Variants in POMK observed in about 807,000 individuals in gnomAD.
The protein encoded by POMK is protein O-mannose kinase, also known as Sugen kinase 196.
Under a neutral mutation model 23.0 loss-of-function variants are expected in POMK, and 19 were observed. The ratio of observed to expected loss-of-function variants is 0.83; its 90% CI spans 0.58 to 1.21. The LOEUF (loss-of-function observed/expected upper bound fraction) is 1.21, where lower values mean the gene tolerates loss of function less well. Among genes scored for constraint, POMK ranks in the 50% most tolerant of loss-of-function variants. POMK has a pLI of 0.00. For missense variants in POMK, 410 were observed against 431.3 expected, an observed-to-expected ratio of 0.95 and a Z score of 0.44; for synonymous variants, 173 against 171.6, an observed-to-expected ratio of 1.01 and a Z score of -0.06.
At chr8:43,110,290 C>T (rs1416555220) in intron 4 of POMK, among the ~76,000 whole-genome samples, 2 of 152,148 alleles carry the variant, frequency 1.3e-5, no homozygotes, top group African/African-American at 2.4e-5. Context: ...CAATTACGTA[C>T]CAGGAGTGGA....
In POMK at chr8:43,122,916, A is replaced by G; in HGVS notation, c.*39A>G. On this transcript the variant is annotated 3_prime_UTR_variant, in exon 5 of 5. Transcript: ENST00000331373. ...CAATGAAGGTGGGATTGAAGGGCTG[A>G]ATGGAAGTTACAGCATTCTACTCTG... 6.5e-7 allele frequency: 1 copy of G among 1,538,420 alleles called. No individual in the cohort carries two copies. The highest frequency in any genetic ancestry group is 8.8e-7 in the Non-Finnish European group (1 of 1,142,632).
chr8:43,101,150 C>T (rs1395473794), intron 2 of POMK, among the ~76,000 whole-genome samples: 1 of 151,994 alleles, frequency 6.6e-6, no homozygotes, highest in Middle Eastern at 3.2e-3. Context: ...AGGCCAGGTG[C>T]AGTGGCTCAT....
rs139850997 is a variant in POMK at position 43,114,807 on chromosome 8, G to T, written c.283-7300G>T. On this transcript the variant is annotated intron_variant, in intron 4 of 4. Coordinates refer to ENST00000331373, the MANE Select transcript of POMK (RefSeq NM_032237.5). ...CAAGATTACATTAAAAGAACCAGTT[G>T]TGCACTCTCCCAGTCATCTCAAGGA... 4.8e-3 allele frequency among the ~76,000 whole-genome samples: 726 copies of T among 152,286 alleles called. 4 individuals carry two copies. The highest frequency in any genetic ancestry group is 0.011 in the South Asian group (52 of 4,828).
At chr8:43,100,407 T>G (rs1005599816) in intron 2 of POMK, among the ~76,000 whole-genome samples, 1 of 151,452 alleles carries the variant, frequency 6.6e-6, no homozygotes, top group Admixed American at 6.6e-5. Context: ...AGAGGCCCAG[T>G]GTGTGTGCTA....
rs545291637 is a variant in POMK at position 43,115,967 on chromosome 8, G to A, written c.283-6140G>A. ...GCCCTTGCTGTTTTCTGTCTGGGCT[G>A]TAGTTCCACAAATAACAAGTGGTTC... On this transcript the variant is annotated intron_variant, in intron 4 of 4. Transcript: ENST00000331373. Among the ~76,000 whole-genome samples the A allele has an allele frequency of 6.6e-5, 10 of 152,328 alleles. No homozygotes were observed. In the South Asian group the frequency reaches 8.3e-4, roughly 13 times the overall value.
At chr8:43,116,221 T>G (rs1048590271) in intron 4 of POMK, among the ~76,000 whole-genome samples, 2 of 152,254 alleles carry the variant, frequency 1.3e-5, no homozygotes, top group African/African-American at 4.8e-5. Context: ...TGAAGACACA[T>G]TTGACTACAT....
At chr8:43,110,186 T>A (rs1438435756) in intron 4 of POMK, among the ~76,000 whole-genome samples, 1 of 152,244 alleles carries the variant, frequency 6.6e-6, no homozygotes, top group Non-Finnish European at 1.5e-5. Flanking sequence ...ATGCCTCGTG[T>A]ATAGAACTGT....
rs1167082310 is a variant in POMK at position 43,103,636 on chromosome 8, A to G, written c.88A>G (p.Met30Val). The G allele has an allele frequency of 8.7e-6, 14 of 1,613,536 alleles. No homozygotes were observed. Among genetic ancestry groups the G allele is most frequent in the Non-Finnish European group, 1.1e-5 (13 of 1,179,994 alleles). ...TGGGCTGCTGCTGATCATGGCCCTG[A>G]TGAATACTCTGCTCTACCTCTGCCT... ...AVGLLLIMAL[M>V]NTLLYLCLDH... is the part of the protein sequence containing the mutation. Residue 30 changes from methionine to valine, a missense_variant, in exon 4 of 5, where the codon ATG becomes GTG. Physicochemically the swap from Met to Val is conservative, Grantham distance 21. Coordinates refer to ENST00000331373, the MANE Select transcript of POMK (RefSeq NM_032237.5).
Position 43,123,110 on chromosome 8 carries a change from G to A in POMK, c.*233G>A, listed in dbSNP as rs1586681573. 8.6e-5 allele frequency: 39 copies of A among 455,276 alleles called. No individual in the cohort carries two copies. The East Asian group carries it at 1.5e-3, about 17-fold the overall frequency. 28.2% of individuals were successfully genotyped at this position (455,276 alleles called of 1,614,324 possible). On this transcript the variant is annotated 3_prime_UTR_variant, in exon 5 of 5. Transcript: ENST00000331373. Reference sequence around the variant, plus strand: ...CTTGCTCTGTTGCTGAGGCTGGAGTGCAGTGATGTGATCTTGGCTCACTGC... The same window carrying A: ...CTTGCTCTGTTGCTGAGGCTGGAGTACAGTGATGTGATCTTGGCTCACTGC...
intron 4 of POMK, among the ~76,000 whole-genome samples, chr8:43,119,180 C>T (rs1811860310): frequency 6.6e-6 from 1 of 152,004 alleles, no homozygotes; most frequent in South Asian, 2.1e-4. Context: ...GAAAAATGGG[C>T]CTAGAAAACC....
At chr8:43,113,597 T>C (rs1016025337) in intron 4 of POMK, among the ~76,000 whole-genome samples, 2 of 152,118 alleles carry the variant, frequency 1.3e-5, no homozygotes, top group Admixed American at 6.5e-5. Flanking sequence ...TCTGAAGCCT[T>C]CTTCTCTGAA....
intron 4 of POMK, 127 bp from the exon 5 acceptor site, chr8:43,121,980 G>T (rs1187684519): frequency 2.3e-6 from 2 of 874,356 alleles, no homozygotes; most frequent in Non-Finnish European, 3.6e-6. Flanking sequence ...ACTCTACGAT[G>T]GGGTCTGCAC....
intron 2 of POMK, among the ~76,000 whole-genome samples, chr8:43,099,847 A>G (rs1586669941): frequency 6.6e-6 from 1 of 152,220 alleles, no homozygotes; most frequent in South Asian, 2.1e-4. Flanking sequence ...CTGTTTTTCT[A>G]GTAAAATAGG....
At position 43,122,616 on chromosome 8, in the gene POMK, G is replaced by A. The variant is rs753305627; in HGVS notation, c.792G>A (p.Glu264=). 9.3e-6 allele frequency: 15 copies of A among 1,614,108 alleles called. 1 individual carries two copies. The highest frequency in any genetic ancestry group is 1.1e-5 in the South Asian group (1 of 91,094). Residue 264 remains glutamate (E), a synonymous_variant, in exon 5 of 5, where the codon GAG becomes GAA. Transcript: ENST00000331373. ...CAGAGCAACTGTGGCCCTATGGAGA[G>A]GACGTGCCTTTCCACGATGATCTCA... ...VAPEQLWPYG[E]DVPFHDDLMP...
At position 43,122,970 on chromosome 8, in the gene POMK, G is replaced by C; in HGVS notation, c.*93G>C. ...GTGGAGTTTTTTGCCTGAGTTTCGT[G>C]TTTTATTGTTTTTTTTATGGCTTAG... On this transcript the variant is annotated 3_prime_UTR_variant, in exon 5 of 5. Transcript: ENST00000331373. 8.6e-7 allele frequency: 1 copy of C among 1,167,760 alleles called. No homozygotes were observed. The highest frequency in any genetic ancestry group is 1.2e-6 in the Non-Finnish European group (1 of 834,094). 72.3% of individuals were successfully genotyped at this position (1,167,760 alleles called of 1,614,324 possible). A position where few individuals can be genotyped will look rare whatever the true frequency, so the allele number is the denominator to read the frequency against.
rs1212907482 is a variant in POMK at position 43,105,608 on chromosome 8, A to C, written c.282+1778A>C. Among the ~76,000 whole-genome samples, 4 of 152,172 alleles carry C rather than the reference A, an allele frequency of 2.6e-5. No homozygotes were observed. The East Asian group carries it at 7.7e-4, about 29-fold the overall frequency. ...GCTGAAGGACACTTAGGTTGATTCC[A>C]TATCTTGGCTATTGTGAATAGTGCT... On this transcript the variant is annotated intron_variant, in intron 4 of 4. Transcript: ENST00000331373.
chr8:43,100,248 T>C (rs1811410701), intron 2 of POMK, among the ~76,000 whole-genome samples: 1 of 151,970 alleles, frequency 6.6e-6, no homozygotes, highest in Non-Finnish European at 1.5e-5. Context: ...TCAGAGCATG[T>C]GGTGATGAGC....
At chr8:43,121,591 C>T (rs990932009) in intron 4 of POMK, among the ~76,000 whole-genome samples, 1 of 152,242 alleles carries the variant, frequency 6.6e-6, no homozygotes, top group Admixed American at 6.5e-5. Flanking sequence ...GGGCAGGGCT[C>T]TACGCCCTCA....
intron 4 of POMK, among the ~76,000 whole-genome samples, chr8:43,107,149 G>A (rs1811559815): frequency 6.6e-6 from 1 of 151,836 alleles, no homozygotes; most frequent in South Asian, 2.1e-4. Flanking sequence ...AAAAGTAAAG[G>A]TTTGAAAGCA....
Sources: gnomAD v4.1 joint callset for allele counts (sites outside exome capture counted in the v4.1 genomes callset) on GRCh38, gnomAD v4.1.1 for gene constraint, MANE v1.5 for transcripts, NCBI Gene and HGNC (gene_info 2026-07-23, HGNC 2026-07-21) for gene names.